The following CACNA2D3 variants were observed in gnomAD, a reference collection of about 807,000 sequenced individuals.
CACNA2D3 encodes the protein calcium voltage-gated channel auxiliary subunit alpha2delta 3, also known as voltage-dependent calcium channel subunit alpha-2/delta-3.
Under a neutral mutation model 160.6 loss-of-function variants are expected in CACNA2D3, and 60 were observed. The ratio of observed to expected loss-of-function variants is 0.37; its 90% CI spans 0.30 to 0.46. The LOEUF (loss-of-function observed/expected upper bound fraction) is 0.46, where lower values mean the gene tolerates loss of function less well. Among genes scored for constraint, CACNA2D3 ranks in the 20% least tolerant of loss-of-function variants. The probability of loss-of-function intolerance (pLI) is 1.00; values close to 1 mark genes in which losing one functional copy is unlikely to be tolerated. For synonymous variants in CACNA2D3, 558 were observed against 492.9 expected (o/e 1.13, Z -1.75); for missense variants, 1,205 against 1,365.0 (o/e 0.88, Z 1.85).
At chr3:54,273,326 A>G (rs1702660206) in intron 2 of CACNA2D3, among the ~76,000 whole-genome samples, 1 of 151,958 alleles carries the variant, frequency 6.6e-6, no homozygotes, top group Admixed American at 6.6e-5. Flanking sequence ...GTGGGAAAAT[A>G]TATATTTTTT....
At chr3:54,216,251 A>T (rs11130401) in intron 2 of CACNA2D3, among the ~76,000 whole-genome samples, 3 of 151,988 alleles carry the variant, frequency 2.0e-5, no homozygotes, top group Non-Finnish European at 4.4e-5. Flanking sequence ...AGGCTTTGAG[A>T]GATGGAATCT....
intron 4 of CACNA2D3, among the ~76,000 whole-genome samples, chr3:54,454,575 C>G (rs191971687): frequency 6.6e-6 from 1 of 151,910 alleles, no homozygotes. Flanking sequence ...CATCCATCAC[C>G]TCAAACATGT....
intron 5 of CACNA2D3, among the ~76,000 whole-genome samples, chr3:54,521,077 C>T (rs748751283): frequency 1.3e-5 from 2 of 152,174 alleles, no homozygotes; most frequent in African/African-American, 4.8e-5. Flanking sequence ...AGAACACTCA[C>T]ATTTTTCTGT....
chr3:54,821,881 A>G (rs1703612040), intron 14 of CACNA2D3, among the ~76,000 whole-genome samples: 1 of 152,120 alleles, frequency 6.6e-6, no homozygotes, highest in African/African-American at 2.4e-5. Flanking sequence ...TACTTCGAAC[A>G]GTTGAATTAA....
intron 21 of CACNA2D3, among the ~76,000 whole-genome samples, chr3:54,884,387 C>G (rs1289806923): frequency 2.0e-5 from 3 of 152,324 alleles, no homozygotes; most frequent in African/African-American, 7.2e-5. Flanking sequence ...TCTGTAAAAT[C>G]AAGCAGAATT....
chr3:54,714,242 T>C lies in CACNA2D3; in HGVS notation c.1168-38357T>C, dbSNP rs957415206. Among the ~76,000 whole-genome samples, 18 of 152,208 alleles carry C rather than the reference T, an allele frequency of 1.2e-4. 1 individual carries two copies. The highest frequency in any genetic ancestry group is 2.4e-5 in the African/African-American group (1 of 41,462). On this transcript the variant is annotated intron_variant, in intron 11 of 37. Transcript: ENST00000474759. ...GGCGCTATTGTTTGCAGGCAGCCTG[T>C]ATTCATCTGTGAGAGATTAGCAATG...
At chr3:54,885,428 A>C in intron 22 of CACNA2D3, 61 bp from the exon 23 acceptor site, 1 of 1,599,660 alleles carries the variant, frequency 6.3e-7, no homozygotes, top group Non-Finnish European at 8.6e-7. Flanking sequence ...ATTCCAAGGC[A>C]AAGGAAGCAG....
Position 54,265,398 on chromosome 3 carries a change from A to T in CACNA2D3, c.205-55044A>T, listed in dbSNP as rs528813343. Among the ~76,000 whole-genome samples, 12 of 151,974 alleles carry T rather than the reference A, an allele frequency of 7.9e-5. No individual in the cohort carries two copies. In the East Asian group the frequency reaches 2.1e-3, roughly 27 times the overall value. On this transcript the variant is annotated intron_variant, in intron 2 of 37. Transcript: ENST00000474759. ...TACCTGGGCCTGTTGGGGTTGGGGG[A>T]TAGGGGAGGGAGAGCACTAGGGAAA...
In CACNA2D3 at chr3:54,267,378, T is replaced by G. The variant is rs115853025; in HGVS notation, c.205-53064T>G. Among the ~76,000 whole-genome samples, 770 of 152,322 alleles carry G rather than the reference T, an allele frequency of 5.1e-3. 7 individuals carry two copies. The highest frequency in any genetic ancestry group is 0.018 in the African/African-American group (737 of 41,576). The stretch of plus-strand genomic sequence containing the variant: ...CAAACCAGAACCTCCTGTTCTGGGC[T>G]ACTCGTTACAATTTAAATACATGGG... On this transcript the variant is annotated intron_variant, in intron 2 of 37. Transcript: ENST00000474759.
intron 3 of CACNA2D3, among the ~76,000 whole-genome samples, chr3:54,360,606 C>T (rs1038959422): frequency 1.3e-5 from 2 of 152,272 alleles, no homozygotes; most frequent in East Asian, 1.9e-4. Flanking sequence ...GGCTGTGTCA[C>T]GACCCAGTAG....
intron 3 of CACNA2D3, among the ~76,000 whole-genome samples, chr3:54,321,373 C>T (rs1398878351): frequency 6.6e-6 from 1 of 152,016 alleles, no homozygotes. Context: ...TCTCAAACTC[C>T]TGGGCTCTAG....
At position 54,642,175 on chromosome 3, in the gene CACNA2D3, C is replaced by T. The variant is rs1485772966; in HGVS notation, c.1101C>T (p.Leu367=). 2 of 1,613,208 alleles carry T rather than the reference C, an allele frequency of 1.2e-6. No individual in the cohort carries two copies. Among genetic ancestry groups the T allele is most frequent in the Admixed American group, 3.3e-5 (2 of 59,906 alleles). ...GTATCTGCAGTCAGGCCATCATGCT[C>T]ATAACTGATGGGGCGGTGGACACCT... ...QGSICSQAIM[L]ITDGAVDTYD... is the part of the protein sequence containing the mutation. Residue 367 remains leucine (L), a synonymous_variant, in exon 11 of 38, where the codon CTC becomes CTT. Transcript: ENST00000474759.
intron 2 of CACNA2D3, among the ~76,000 whole-genome samples, chr3:54,249,896 T>G (rs1279051604): frequency 1.3e-5 from 2 of 152,174 alleles, no homozygotes; most frequent in Admixed American, 1.3e-4. Context: ...AATTATGCCA[T>G]GATGAAACTT....
intron 27 of CACNA2D3, among the ~76,000 whole-genome samples, chr3:54,930,550 AT>A (rs1559634512): frequency 1.3e-5 from 2 of 152,184 alleles, no homozygotes; most frequent in Non-Finnish European, 1.5e-5. Flanking sequence ...TGACAGCACA[AT>A]TGGATGTTGG....
chr3:54,338,497 G>A (rs1479177546), intron 3 of CACNA2D3, among the ~76,000 whole-genome samples: 2 of 151,556 alleles, frequency 1.3e-5, no homozygotes, highest in African/African-American at 2.4e-5. Context: ...GTGTGTGTGT[G>A]TGTGTGTGTG....
chr3:55,050,340 T>C (rs1229309252), intron 35 of CACNA2D3, among the ~76,000 whole-genome samples: 1 of 152,074 alleles, frequency 6.6e-6, no homozygotes, highest in Non-Finnish European at 1.5e-5. Flanking sequence ...CTGTAAAGTA[T>C]TTTATTTCTC....
At chr3:54,489,682 A>C (rs1701076416) in intron 4 of CACNA2D3, among the ~76,000 whole-genome samples, 1 of 152,226 alleles carries the variant, frequency 6.6e-6, no homozygotes, top group Admixed American at 6.5e-5. Context: ...CATGGCTTTT[A>C]GAGTGAAATG....
At chr3:54,400,804 G>A (rs1699446596) in intron 4 of CACNA2D3, among the ~76,000 whole-genome samples, 1 of 152,174 alleles carries the variant, frequency 6.6e-6, no homozygotes, top group Non-Finnish European at 1.5e-5. Context: ...TTCACCAGAT[G>A]TGCAGACATC....
chr3:54,895,482 G>T (rs1700167794), intron 25 of CACNA2D3, among the ~76,000 whole-genome samples: 1 of 152,210 alleles, frequency 6.6e-6, no homozygotes, highest in African/African-American at 2.4e-5. Flanking sequence ...TTTGGTAGAG[G>T]TGAAGGGAAC....
Sources: gnomAD v4.1 joint callset for allele counts (sites outside exome capture counted in the v4.1 genomes callset) on GRCh38, gnomAD v4.1.1 for gene constraint, MANE v1.5 for transcripts, NCBI Gene and HGNC (gene_info 2026-07-23, HGNC 2026-07-21) for gene names.